Variants in METTL15 observed in about 807,000 individuals in gnomAD.
METTL15 encodes the protein 12S rRNA N(4)-cytidine methyltransferase METTL15.
In METTL15, 34 loss-of-function variants were observed where a neutral mutation model predicts 38.3. The observed-to-expected ratio is 0.89, with a 90% CI of 0.68 to 1.18. The LOEUF (loss-of-function observed/expected upper bound fraction) is 1.18. Ranked by LOEUF, METTL15 falls within the 50% of genes most tolerant of loss-of-function variation. The pLI is 0.00. For synonymous variants in METTL15, 162 were observed against 170.9 expected (o/e 0.95, Z 0.41); for missense variants, 438 against 498.4 (o/e 0.88, Z 1.15).
chr11:28,527,657 A>G (rs946151855), downstream of METTL15, among the ~76,000 whole-genome samples: 1 of 152,206 alleles, frequency 6.6e-6, no homozygotes, highest in African/African-American at 2.4e-5. Context: ...AGCATATCAT[A>G]GAGGGATTTG....
chr11:28,267,256 A>C, intron 4 of METTL15, among the ~76,000 whole-genome samples: 1 of 149,266 alleles, frequency 6.7e-6, no homozygotes, highest in Admixed American at 6.7e-5. Flanking sequence ...CCCCTTGTTC[A>C]CTTTGGTCGC....
intron 5 of METTL15, among the ~76,000 whole-genome samples, chr11:28,368,143 C>CAA (rs1421370868): frequency 1.1e-5 from 1 of 87,070 alleles, no homozygotes; most frequent in African/African-American, 4.5e-5. Flanking sequence ...AAAAAAAAAA[C>CAA]AAAAAAAACA....
At chr11:28,321,733 AGAT>A (rs974379482) in intron 6 of METTL15, among the ~76,000 whole-genome samples, 5 of 152,094 alleles carry the variant, frequency 3.3e-5, no homozygotes, top group Non-Finnish European at 7.4e-5. Context: ...TTGAAAAGAA[AGAT>A]GATTGTGGGC....
At chr11:28,183,366 C>G (rs1429330898) in intron 3 of METTL15, among the ~76,000 whole-genome samples, 1 of 152,048 alleles carries the variant, frequency 6.6e-6, no homozygotes, top group Non-Finnish European at 1.5e-5. Flanking sequence ...ACAGTTTTTG[C>G]CCATTCCATA....
intron 6 of METTL15, among the ~76,000 whole-genome samples, chr11:28,505,025 A>G (rs1851616365): frequency 6.6e-6 from 1 of 152,188 alleles, no homozygotes; most frequent in Non-Finnish European, 1.5e-5. Context: ...TGGTAGGGCC[A>G]TTCCCAGTCT....
intron 3 of METTL15, among the ~76,000 whole-genome samples, chr11:28,174,474 G>C (rs114167791): frequency 0.011 from 1,675 of 152,114 alleles, 38 homozygotes; most frequent in African/African-American, 0.038. Context: ...AATATCTACA[G>C]CATAAAGTAG....
chr11:28,241,000 A>G (rs1854269900), intron 4 of METTL15, among the ~76,000 whole-genome samples: 1 of 152,256 alleles, frequency 6.6e-6, no homozygotes, highest in East Asian at 1.9e-4. Flanking sequence ...ATAATGATAT[A>G]CTCAGTATTT....
chr11:28,293,049 C>G (rs1756975094), intron 5 of METTL15, among the ~76,000 whole-genome samples: 1 of 152,062 alleles, frequency 6.6e-6, no homozygotes, highest in African/African-American at 2.4e-5. Context: ...TGCAGAAGCT[C>G]TTTAGTTTAA....
At position 28,308,896 on chromosome 11, in the gene METTL15, A is replaced by G. The variant is rs112056922; in HGVS notation, c.778+11965A>G. 7.0e-4 allele frequency among the ~76,000 whole-genome samples: 98 copies of G among 139,318 alleles called. 4 individuals carry two copies. In the East Asian group the frequency reaches 0.013, roughly 18 times the overall value. 91.4% of individuals were successfully genotyped at this position (139,318 alleles called of 152,430 possible). A position where few individuals can be genotyped will look rare whatever the true frequency, so the allele number is the denominator to read the frequency against. ...ATTAGATAGATAGGTAGGTAGGTAG[A>G]TAGATAGATAGATAGATAGATAGAT... On this transcript the variant is annotated intron_variant, in intron 6 of 6. Coordinates refer to ENST00000407364, the MANE Select transcript of METTL15 (RefSeq NM_001113528.2).
chr11:28,430,742 G>A (rs1366576526), intron 6 of METTL15, among the ~76,000 whole-genome samples: 1 of 110,926 alleles, frequency 9.0e-6, no homozygotes, highest in Non-Finnish European at 1.9e-5. Flanking sequence ...TCAGCCCTCC[G>A]CCTGGCCAGC....
chr11:28,207,737 C>A (rs975128189), intron 3 of METTL15, among the ~76,000 whole-genome samples: 1 of 152,090 alleles, frequency 6.6e-6, no homozygotes, highest in Non-Finnish European at 1.5e-5. Flanking sequence ...TCCATCTGGT[C>A]CTGGACCCTT....
At chr11:28,426,347 G>C (rs1429052257) in intron 6 of METTL15, among the ~76,000 whole-genome samples, 1 of 152,072 alleles carries the variant, frequency 6.6e-6, no homozygotes, top group African/African-American at 2.4e-5. Context: ...ATCATTGATG[G>C]GTGTTTAGTT....
intron 6 of METTL15, among the ~76,000 whole-genome samples, chr11:28,451,973 G>A (rs1851127054): frequency 6.6e-6 from 1 of 152,204 alleles, no homozygotes; most frequent in Non-Finnish European, 1.5e-5. Flanking sequence ...GCTTCAGCCA[G>A]CCCTCTAAGC....
At chr11:28,192,148 C>T (rs565674441) in intron 3 of METTL15, among the ~76,000 whole-genome samples, 2 of 151,674 alleles carry the variant, frequency 1.3e-5, no homozygotes, top group East Asian at 3.9e-4. Flanking sequence ...TGTGATATCT[C>T]GTCTTAAGAT....
At chr11:28,149,504 A>C (rs1229671387) in intron 3 of METTL15, among the ~76,000 whole-genome samples, 3 of 151,884 alleles carry the variant, frequency 2.0e-5, no homozygotes, top group Non-Finnish European at 4.4e-5. Flanking sequence ...CTGGGTTCTT[A>C]TCCCAACTCT....
intron 2 of METTL15, 89 bp from the exon 3 acceptor site, chr11:28,113,229 T>TGGAGAC (rs1851789287): frequency 1.1e-6 from 1 of 885,560 alleles, no homozygotes; most frequent in Non-Finnish European, 1.7e-6. Context: ...TTTGATGTGC[T>TGGAGAC]AAATATTGCA....
intron 4 of METTL15, among the ~76,000 whole-genome samples, chr11:28,352,773 G>A (rs1408827025): frequency 6.6e-6 from 1 of 152,094 alleles, no homozygotes; most frequent in Non-Finnish European, 1.5e-5. Flanking sequence ...GCTCATTGAG[G>A]GAGGAAAGAT....
intron 4 of METTL15, among the ~76,000 whole-genome samples, chr11:28,281,559 T>C (rs1201209665): frequency 6.6e-6 from 1 of 152,210 alleles, no homozygotes; most frequent in Non-Finnish European, 1.5e-5. Flanking sequence ...TTATCTAGCT[T>C]TTCTAGTTTT....
intron 5 of METTL15, chr11:28,399,194 G>A (rs1255685735): frequency 1.3e-5 from 2 of 152,054 alleles, no homozygotes; most frequent in Non-Finnish European, 2.9e-5. Context: ...AACAAGCAAT[G>A]GGTAAGTGAT....
Sources: gnomAD v4.1 joint callset for allele counts (sites outside exome capture counted in the v4.1 genomes callset) on GRCh38, gnomAD v4.1.1 for gene constraint, MANE v1.5 for transcripts, NCBI Gene and HGNC (gene_info 2026-07-23, HGNC 2026-07-21) for gene names.